Variants in GPM6A observed in about 807,000 individuals in gnomAD.
GPM6A encodes the protein glycoprotein M6A.
Under a neutral mutation model 32.1 loss-of-function variants are expected in GPM6A, and 7 were observed. The ratio of observed to expected loss-of-function variants is 0.22; its 90% confidence interval spans 0.12 to 0.41. The LOEUF (loss-of-function observed/expected upper bound fraction) is 0.41, where lower values mean the gene tolerates loss of function less well. GPM6A is among the 10% of genes least tolerant of loss of function. The pLI is 1.00. For synonymous variants in GPM6A, 130 were observed against 123.4 expected (o/e 1.05, Z -0.35); for missense variants, 235 against 347.2 (o/e 0.68, Z 2.57).
intron 3 of GPM6A, among the ~76,000 whole-genome samples, chr4:175,653,146 C>G (rs1025923145): frequency 6.6e-6 from 1 of 152,018 alleles, no homozygotes; most frequent in Non-Finnish European, 1.5e-5. Flanking sequence ...AAAATTAGCA[C>G]TTTTGCAAAA....
At chr4:175,974,752 G>A (rs1035740728) in intron 1 of GPM6A, among the ~76,000 whole-genome samples, 3 of 148,172 alleles carry the variant, frequency 2.0e-5, no homozygotes, top group South Asian at 2.1e-4. Context: ...GCACAGTCTC[G>A]GCTCACGGCA....
At chr4:175,787,550 G>T in intron 1 of GPM6A, 1 of 1,404,840 alleles carries the variant, frequency 7.1e-7, no homozygotes, top group Non-Finnish European at 9.2e-7. Context: ...CATCACCAAT[G>T]ATTACATACT....
At chr4:175,812,340 TC>T, upstream of GPM6A, 3 of 1,282,168 alleles carry the variant, frequency 2.3e-6, no homozygotes, top group East Asian at 2.9e-5. Flanking sequence ...TTTTTTTTTT[TC>T]CTGGGAAGCT....
chr4:175,996,770 T>A (rs1741319759), intron 1 of GPM6A, among the ~76,000 whole-genome samples: 1 of 152,208 alleles, frequency 6.6e-6, no homozygotes, highest in South Asian at 2.1e-4. Context: ...TGCTGAGTTT[T>A]CAGTTGTAAA....
chr4:175,949,608 A>G (rs1420936882), intron 1 of GPM6A, among the ~76,000 whole-genome samples: 1 of 152,218 alleles, frequency 6.6e-6, no homozygotes, highest in African/African-American at 2.4e-5. Flanking sequence ...AAGCTGAACC[A>G]TAGCTAATAC....
intron 6 of GPM6A, among the ~76,000 whole-genome samples, chr4:175,639,805 G>T (rs1289682069): frequency 6.6e-6 from 1 of 151,596 alleles, no homozygotes; most frequent in African/African-American, 2.4e-5. Context: ...AGTAAATCAA[G>T]GAATTGATTA....
chr4:175,822,497 G>A (rs1735306265), intron 1 of GPM6A, among the ~76,000 whole-genome samples: 1 of 152,112 alleles, frequency 6.6e-6, no homozygotes, highest in African/African-American at 2.4e-5. Context: ...AGTGATAGAA[G>A]TATATAACAA....
chr4:175,679,297 G>T (rs1280143399), intron 2 of GPM6A, among the ~76,000 whole-genome samples: 1 of 152,028 alleles, frequency 6.6e-6, no homozygotes, highest in African/African-American at 2.4e-5. Flanking sequence ...GTTAGATACG[G>T]GTTACTCATT....
intron 3 of GPM6A, among the ~76,000 whole-genome samples, chr4:175,660,273 A>T (rs1742329504): frequency 1.3e-5 from 2 of 151,922 alleles, no homozygotes; most frequent in Non-Finnish European, 2.9e-5. Flanking sequence ...AATCCCAGCT[A>T]CTCAGGAGGC....
chr4:175,709,643 G>A (rs764098243), intron 1 of GPM6A, among the ~76,000 whole-genome samples: 6 of 148,564 alleles, frequency 4.0e-5, no homozygotes, highest in Non-Finnish European at 7.4e-5. Flanking sequence ...CAGGAGAATC[G>A]CTTGAACCCG....
chr4:175,729,209 G>A (rs1731308957), intron 1 of GPM6A, among the ~76,000 whole-genome samples: 2 of 152,302 alleles, frequency 1.3e-5, no homozygotes, highest in East Asian at 1.9e-4. Flanking sequence ...ACAAGTTCCA[G>A]TTTGCTAAAA....
chr4:175,941,620 C>A (rs1739415058), intron 1 of GPM6A, among the ~76,000 whole-genome samples: 1 of 152,178 alleles, frequency 6.6e-6, no homozygotes, highest in South Asian at 2.1e-4. Flanking sequence ...TCAATTCCCC[C>A]TTATGAGTGA....
At chr4:175,899,811 C>A (rs898583066) in intron 1 of GPM6A, among the ~76,000 whole-genome samples, 2 of 151,988 alleles carry the variant, frequency 1.3e-5, no homozygotes, top group African/African-American at 4.8e-5. Flanking sequence ...TTGATCTCAG[C>A]AAAATTTCTT....
intron 1 of GPM6A, among the ~76,000 whole-genome samples, chr4:175,987,013 C>T (rs754585262): frequency 2.2e-4 from 33 of 152,194 alleles, no homozygotes; most frequent in Non-Finnish European, 3.7e-4. Flanking sequence ...TCTAGCCTGT[C>T]TCTGAATCCT....
chr4:175,843,966 T>C (rs1736015252), intron 1 of GPM6A, among the ~76,000 whole-genome samples: 1 of 152,150 alleles, frequency 6.6e-6, no homozygotes, highest in Non-Finnish European at 1.5e-5. Flanking sequence ...ACCCCACCTT[T>C]GCTATCTGCA....
chr4:175,924,748 G>A (rs963841460), intron 1 of GPM6A, among the ~76,000 whole-genome samples: 1 of 151,278 alleles, frequency 6.6e-6, no homozygotes, highest in Non-Finnish European at 1.5e-5. Context: ...GCTGAGGCAG[G>A]AGAATCACTT....
chr4:175,925,486 T>C (rs1738805598), intron 1 of GPM6A, among the ~76,000 whole-genome samples: 1 of 152,230 alleles, frequency 6.6e-6, no homozygotes. Flanking sequence ...ATTTTAAATC[T>C]AATTTACATA....
upstream of GPM6A, among the ~76,000 whole-genome samples, chr4:175,816,571 T>C (rs1351596395): frequency 6.6e-6 from 1 of 152,006 alleles, no homozygotes; most frequent in South Asian, 2.1e-4. Context: ...CTATAAAAAG[T>C]GAGGGGGAAA....
At chr4:175,807,925 A>G (rs1005948685) in intron 1 of GPM6A, among the ~76,000 whole-genome samples, 5 of 152,154 alleles carry the variant, frequency 3.3e-5, no homozygotes, top group African/African-American at 1.2e-4. Flanking sequence ...CAATTAATCT[A>G]TTTGGTATTT....
Sources: gnomAD v4.1 joint callset for allele counts (sites outside exome capture counted in the v4.1 genomes callset) on GRCh38, gnomAD v4.1.1 for gene constraint, MANE v1.5 for transcripts, NCBI Gene and HGNC (gene_info 2026-07-23, HGNC 2026-07-21) for gene names.